ANKS6: variants seen among roughly 807,000 people sequenced by gnomAD.
The protein encoded by ANKS6 is ankyrin repeat and SAM domain-containing protein 6.
In ANKS6, 47 loss-of-function variants were observed where a neutral mutation model predicts 77.9. That is an observed-to-expected ratio of 0.60 (90% CI 0.48 to 0.77). The LOEUF (loss-of-function observed/expected upper bound fraction) is 0.77. ANKS6 is among the 30% of genes least tolerant of loss of function. The probability of loss-of-function intolerance (pLI) is 0.00; values close to 1 mark genes in which losing one functional copy is unlikely to be tolerated. For missense variants in ANKS6, 1,150 were observed against 1,159.1 expected, an observed-to-expected ratio of 0.99 and a Z score of 0.11; for synonymous variants, 488 against 501.7, an observed-to-expected ratio of 0.97 and a Z score of 0.37.
At chr9:98,789,976 C>T in intron 2 of ANKS6, 128 bp downstream of exon 2, 1 of 1,339,732 alleles carries the variant, frequency 7.5e-7, no homozygotes, top group Non-Finnish European at 1.0e-6. Flanking sequence ...ACCACTTCCT[C>T]AGTCTCAGTG....
At chr9:98,793,600 AACCTCCGCCTCC>A (rs1835018957) in intron 1 of ANKS6, among the ~76,000 whole-genome samples, 1 of 151,924 alleles carries the variant, frequency 6.6e-6, no homozygotes, top group Non-Finnish European at 1.5e-5. Flanking sequence ...AGCTTACTGC[AACCTCCGCCTCC>A]CAGGTTCAAG....
Position 98,732,780 on chromosome 9 carries a change from G to C in ANKS6, c.*3739C>G. On this transcript the variant is annotated 3_prime_UTR_variant, in exon 15 of 15. Transcript: ENST00000353234. The stretch of plus-strand genomic sequence containing the variant: ...CAACATCACGCAGCACTAGGTCTAT[G>C]TCCAGTGCTCTTTCCAGGGTAACAG... 1.4e-5 allele frequency: 19 copies of C among 1,385,532 alleles called. No homozygotes were observed. Among genetic ancestry groups the C allele is most frequent in the Non-Finnish European group, 1.7e-5 (18 of 1,071,368 alleles). The allele number at this position is 1,385,532 out of a possible 1,614,324, so 85.8% of individuals were successfully genotyped here.
At chr9:98,754,176 C>A (rs779482639) in intron 12 of ANKS6, among the ~76,000 whole-genome samples, 1 of 152,134 alleles carries the variant, frequency 6.6e-6, no homozygotes, top group Non-Finnish European at 1.5e-5. Context: ...GGGGACTGCC[C>A]AAGAAAATTT....
chr9:98,782,674 T>C lies in ANKS6; in HGVS notation c.1113-101A>G, dbSNP rs942917881. ...AACTACAAAGCTCAGTCTCTGAGCATTTAAGAAGGACATGGAAGGGCAAAC... is the reference window on the plus strand; with the variant it reads ...AACTACAAAGCTCAGTCTCTGAGCACTTAAGAAGGACATGGAAGGGCAAAC... On this transcript the variant is annotated intron_variant, in intron 4 of 14. Coordinates refer to ENST00000353234, the MANE Select transcript of ANKS6 (RefSeq NM_173551.5). 18 of 919,122 alleles carry C rather than the reference T, an allele frequency of 2.0e-5. No homozygotes were observed. In the Admixed American group the frequency reaches 3.6e-4, roughly 19 times the overall value. The allele number at this position is 919,122 out of a possible 1,614,324, so 56.9% of individuals were successfully genotyped here. A position where few individuals can be genotyped will look rare whatever the true frequency, so the allele number is the denominator to read the frequency against.
At chr9:98,758,146 CT>C (rs1160051124) in intron 11 of ANKS6, among the ~76,000 whole-genome samples, 1 of 151,850 alleles carries the variant, frequency 6.6e-6, no homozygotes, top group African/African-American at 2.4e-5. Flanking sequence ...AAGAGTTGTT[CT>C]TTCTCTCCTA....
At chr9:98,744,047 G>A (rs1203466258) in intron 14 of ANKS6, among the ~76,000 whole-genome samples, 2 of 152,224 alleles carry the variant, frequency 1.3e-5, no homozygotes, top group African/African-American at 4.8e-5. Context: ...GTGCTGGTCC[G>A]GAAGTCAGGC....
At chr9:98,767,476 A>C (rs1833364712) in intron 11 of ANKS6, among the ~76,000 whole-genome samples, 1 of 152,068 alleles carries the variant, frequency 6.6e-6, no homozygotes, top group East Asian at 1.9e-4. Context: ...GCTCCACAAC[A>C]ACCCCTATCA....
chr9:98,782,103 T>C lies in ANKS6; in HGVS notation c.1219+364A>G, dbSNP rs572499977. Among the ~76,000 whole-genome samples the C allele has an allele frequency of 2.8e-4, 42 of 152,320 alleles. 1 individual carries two copies. Among genetic ancestry groups the C allele is most frequent in the African/African-American group, 9.4e-4 (39 of 41,560 alleles). ...ATCGCTCTATCTCCCATTCTGCTTA[T>C]CAAAGGGGACTTTATGTTTCCACCT... On this transcript the variant is annotated intron_variant, in intron 5 of 14. Coordinates refer to ENST00000353234, the MANE Select transcript of ANKS6 (RefSeq NM_173551.5).
intron 13 of ANKS6, among the ~76,000 whole-genome samples, chr9:98,747,325 AT>A (rs1832191974): frequency 6.6e-6 from 1 of 151,762 alleles, no homozygotes; most frequent in Non-Finnish European, 1.5e-5. Context: ...TCTTTCTGAA[AT>A]TTTCCCCGCC....
rs1831493747 is a variant in ANKS6 at position 98,736,224 on chromosome 9, G to A, written c.*295C>T. On this transcript the variant is annotated 3_prime_UTR_variant, in exon 15 of 15. Coordinates refer to ENST00000353234, the MANE Select transcript of ANKS6 (RefSeq NM_173551.5). ...CCAGAAGCAAACTCTGAGGCTCCCG[G>A]GGAGGGCAGAGCACAGGATGAAAGG... The A allele has an allele frequency of 3.3e-6, 4 of 1,212,028 alleles. No homozygotes were observed. Among genetic ancestry groups the A allele is most frequent in the South Asian group, 6.7e-5 (2 of 29,828 alleles). 75.1% of individuals were successfully genotyped at this position (1,212,028 alleles called of 1,614,324 possible).
At chr9:98,767,180 T>C (rs1290145335) in intron 11 of ANKS6, among the ~76,000 whole-genome samples, 1 of 152,174 alleles carries the variant, frequency 6.6e-6, no homozygotes, top group Non-Finnish European at 1.5e-5. Flanking sequence ...TGGTGACTGT[T>C]CTCTGGCTGC....
rs1004682587 is a variant in ANKS6 at position 98,732,163 on chromosome 9, C to T, written c.*4356G>A. ...TTCACAGTGCCTCCTGCTGATGGCA[C>T]CTTCATTCTGGCTGCAGAATTCTCC... On this transcript the variant is annotated 3_prime_UTR_variant, in exon 15 of 15. Transcript: ENST00000353234. 20 of 339,108 alleles carry T rather than the reference C, an allele frequency of 5.9e-5. No individual in the cohort carries two copies. Among genetic ancestry groups the T allele is most frequent in the Non-Finnish European group, 9.3e-5 (17 of 183,394 alleles). The allele number at this position is 339,108 out of a possible 1,614,324, so 21.0% of individuals were successfully genotyped here.
At chr9:98,776,623 A>G (rs1833935350) in intron 8 of ANKS6, among the ~76,000 whole-genome samples, 1 of 151,932 alleles carries the variant, frequency 6.6e-6, no homozygotes, top group East Asian at 1.9e-4. Flanking sequence ...CTGGTCTCAA[A>G]CTCCTGACCT....
chr9:98,794,148 CAAAA>C (rs375021953), intron 1 of ANKS6, among the ~76,000 whole-genome samples: 1 of 109,992 alleles, frequency 9.1e-6, no homozygotes, highest in African/African-American at 3.6e-5. Flanking sequence ...GACTCCGTCT[CAAAA>C]AAAAAAAAAA....
intron 9 of ANKS6, among the ~76,000 whole-genome samples, chr9:98,773,107 G>A (rs1328041219): frequency 6.6e-6 from 1 of 152,212 alleles, no homozygotes; most frequent in African/African-American, 2.4e-5. Context: ...ACCTGATCGA[G>A]AATAGTGGAC....
At chr9:98,784,266 T>C (rs1385622123) in intron 3 of ANKS6, 109 bp from the exon 4 acceptor site, 2 of 1,001,500 alleles carry the variant, frequency 2.0e-6, no homozygotes, top group African/African-American at 3.3e-5. Context: ...GCCTCTGCAG[T>C]GGGCTGCTGG....
chr9:98,792,841 A>G (rs1301353551), intron 1 of ANKS6, among the ~76,000 whole-genome samples: 2 of 152,188 alleles, frequency 1.3e-5, no homozygotes, highest in Admixed American at 6.5e-5. Flanking sequence ...ATTTTTAAGG[A>G]GGAAGAAAAG....
At chr9:98,781,998 G>T (rs1834292245) in intron 5 of ANKS6, among the ~76,000 whole-genome samples, 1 of 152,100 alleles carries the variant, frequency 6.6e-6, no homozygotes, top group Non-Finnish European at 1.5e-5. Context: ...GGCCAAAATG[G>T]GGTGGAACTA....
intron 11 of ANKS6, among the ~76,000 whole-genome samples, chr9:98,763,663 C>T (rs7029599): frequency 0.96 from 145,950 of 151,972 alleles, 70,332 homozygotes; most frequent in African/African-American, 0.99. Flanking sequence ...AACAGAAAAA[C>T]AGAGAAAATC....
Sources: allele counts gnomAD v4.1 joint callset (sites outside exome capture counted in the v4.1 genomes callset), GRCh38; gene constraint gnomAD v4.1.1; transcripts MANE v1.5; gene names NCBI Gene and HGNC (gene_info 2026-07-23, HGNC 2026-07-21).